PCDHA1: variants seen among roughly 807,000 people sequenced by gnomAD.
PCDHA1 encodes protocadherin alpha-1.
A neutral mutation model predicts 61.3 loss-of-function variants in PCDHA1; 42 were observed. The ratio of observed to expected loss-of-function variants is 0.69; its 90% CI spans 0.54 to 0.89. PCDHA1 has a LOEUF of 0.89. PCDHA1 is among the 40% of genes least tolerant of loss of function. PCDHA1 has a pLI of 0.00. For missense variants in PCDHA1, 1,256 were observed against 1,235.3 expected, an observed-to-expected ratio of 1.02 and a Z score of -0.25; for synonymous variants, 610 against 553.8, an observed-to-expected ratio of 1.10 and a Z score of -1.43.
intron 1 of PCDHA1, among the ~76,000 whole-genome samples, chr5:140,948,814 A>G (rs1284322137): frequency 1.3e-5 from 2 of 151,134 alleles, no homozygotes; most frequent in African/African-American, 4.8e-5. Context: ...TTTGGTTTCT[A>G]TTTCATTAAT....
At chr5:141,001,384 A>G (rs1554258149) in intron 3 of PCDHA1, among the ~76,000 whole-genome samples, 1 of 152,204 alleles carries the variant, frequency 6.6e-6, no homozygotes, top group African/African-American at 2.4e-5. Context: ...AGAGCCTAAG[A>G]TCCTACAGAG....
At chr5:140,794,829 A>C (rs1461252583) in intron 1 of PCDHA1, 5 of 977,488 alleles carry the variant, frequency 5.1e-6, no homozygotes, top group Non-Finnish European at 7.5e-6. Context: ...TCTAGGAAGG[A>C]AAATACCCAG....
At chr5:140,920,565 G>A (rs1225212458) in intron 1 of PCDHA1, among the ~76,000 whole-genome samples, 27 of 152,152 alleles carry the variant, frequency 1.8e-4, no homozygotes, top group Admixed American at 1.6e-3. Context: ...TGGCCCTTAG[G>A]CCAGGAGCAG....
intron 3 of PCDHA1, among the ~76,000 whole-genome samples, chr5:141,008,840 T>C (rs2098392722): frequency 6.6e-6 from 1 of 152,188 alleles, no homozygotes; most frequent in African/African-American, 2.4e-5. Context: ...CCTCTTACGC[T>C]GTGTATTCCC....
At chr5:140,864,302 C>T (rs550549818) in intron 1 of PCDHA1, 1 of 152,214 alleles carries the variant, frequency 6.6e-6, no homozygotes, top group Non-Finnish European at 1.5e-5. Context: ...TTCAAAAATA[C>T]CATGACAATA....
chr5:140,841,354 C>T (rs1777172316), intron 1 of PCDHA1: 2 of 1,612,948 alleles, frequency 1.2e-6, no homozygotes, highest in Non-Finnish European at 1.7e-6. Context: ...AGCTGGGATC[C>T]TGGCGACTAC....
intron 1 of PCDHA1, chr5:140,803,193 C>T (rs781991461): frequency 2.1e-5 from 34 of 1,613,902 alleles, no homozygotes; most frequent in Non-Finnish European, 2.9e-5. Context: ...GGCCACTGTG[C>T]TGGTGTCGCT....
intron 1 of PCDHA1, chr5:140,850,254 G>A: frequency 3.8e-6 from 6 of 1,593,786 alleles, no homozygotes; most frequent in South Asian, 1.1e-5. Flanking sequence ...GTCGGTGGGC[G>A]CCGGCGTAGT....
chr5:140,993,631 G>C (rs1466996708), intron 3 of PCDHA1, among the ~76,000 whole-genome samples: 1 of 152,046 alleles, frequency 6.6e-6, no homozygotes, highest in African/African-American at 2.4e-5. Context: ...ATATATAGTC[G>C]TGTACCAAAT....
At chr5:140,858,079 C>T in intron 1 of PCDHA1, 5 of 1,597,852 alleles carry the variant, frequency 3.1e-6, no homozygotes, top group Non-Finnish European at 4.3e-6. Context: ...CACCCAAGGC[C>T]TCGTCGCGGG....
At chr5:140,801,129 A>T in intron 1 of PCDHA1, 3 of 1,521,272 alleles carry the variant, frequency 2.0e-6, no homozygotes, top group Non-Finnish European at 2.6e-6. Context: ...AAATGAAGAT[A>T]AGGAACTCGA....
chr5:140,798,138 C>T (rs1762299714), intron 1 of PCDHA1, among the ~76,000 whole-genome samples: 1 of 152,166 alleles, frequency 6.6e-6, no homozygotes, highest in Non-Finnish European at 1.5e-5. Context: ...TCCCAAAGTG[C>T]TGGGATTACA....
At chr5:140,851,776 A>G (rs2042157879) in intron 1 of PCDHA1, 1 of 964,146 alleles carries the variant, frequency 1.0e-6, no homozygotes, top group South Asian at 4.8e-5. Flanking sequence ...TTATGAATTT[A>G]GATGAGAATT....
At chr5:140,802,382 C>T in intron 1 of PCDHA1, 1 of 1,614,268 alleles carries the variant, frequency 6.2e-7, no homozygotes, top group Admixed American at 1.7e-5. Context: ...ACGTCCCCTT[C>T]AAGCTGGTGT....
At chr5:140,829,399 G>A in intron 1 of PCDHA1, 2 of 1,614,074 alleles carry the variant, frequency 1.2e-6, no homozygotes, top group African/African-American at 1.3e-5. Context: ...CTTCGCTGTG[G>A]GCCACCGCCA....
At chr5:140,939,712 C>T (rs1019626550) in intron 1 of PCDHA1, among the ~76,000 whole-genome samples, 2 of 152,256 alleles carry the variant, frequency 1.3e-5, no homozygotes, top group East Asian at 1.9e-4. Context: ...TTGTGAGATA[C>T]ATTTATATTG....
At chr5:140,822,664 A>C (rs1554128805) in intron 1 of PCDHA1, 1 of 1,608,030 alleles carries the variant, frequency 6.2e-7, no homozygotes, top group African/African-American at 1.3e-5. Context: ...AATTAATTCT[A>C]ATACTGGTGA....
chr5:140,972,832 T>G (rs1209140344), intron 1 of PCDHA1, among the ~76,000 whole-genome samples: 9 of 151,882 alleles, frequency 5.9e-5, no homozygotes. Flanking sequence ...CCTGGCTAAT[T>G]TTTGTATTTT....
intron 3 of PCDHA1, among the ~76,000 whole-genome samples, chr5:140,991,302 T>C (rs2097443703): frequency 6.6e-6 from 1 of 152,204 alleles, no homozygotes; most frequent in African/African-American, 2.4e-5. Flanking sequence ...ATTACTATTA[T>C]CTTGTCCCGC....
Sources: gnomAD v4.1 joint callset for allele counts (sites outside exome capture counted in the v4.1 genomes callset) on GRCh38, gnomAD v4.1.1 for gene constraint, MANE v1.5 for transcripts, NCBI Gene and HGNC (gene_info 2026-07-23, HGNC 2026-07-21) for gene names.